Variants in ABCA13 observed in about 807,000 individuals in gnomAD.
The protein encoded by ABCA13 is ATP-binding cassette sub-family A member 13.
ABCA13 carries 476 observed loss-of-function variants against 478.7 expected under a neutral mutation model. The observed-to-expected ratio is 0.99, with a 90% CI of 0.92 to 1.07. ABCA13 has a LOEUF of 1.07. ABCA13 is among the 50% of genes least tolerant of loss of function. ABCA13 has a pLI of 0.00. For synonymous variants in ABCA13, 2,252 were observed against 2,158.9 expected (o/e 1.04, Z -1.20); for missense variants, 6,060 against 5,910.6 (o/e 1.03, Z -0.83).
intron 55 of ABCA13, among the ~76,000 whole-genome samples, chr7:48,541,865 C>T (rs990907937): frequency 1.3e-5 from 2 of 149,784 alleles, no homozygotes; most frequent in Non-Finnish European, 3.0e-5. Flanking sequence ...AGTATCTTTC[C>T]TTAAAAAATC....
At chr7:48,333,682 T>C (rs1584895743) in intron 27 of ABCA13, among the ~76,000 whole-genome samples, 1 of 152,324 alleles carries the variant, frequency 6.6e-6, no homozygotes, top group African/African-American at 2.4e-5. Flanking sequence ...ATCTGATGCA[T>C]CTGGGACTCC....
At position 48,272,001 on chromosome 7, in the gene ABCA13, A is replaced by C. The variant is rs550560732; in HGVS notation, c.2335A>C (p.Lys779Gln). 114 of 1,613,656 alleles carry C rather than the reference A, an allele frequency of 7.1e-5. No homozygotes were observed. In the Middle Eastern group the frequency reaches 7.4e-3, roughly 105 times the overall value. Residue 779 changes from lysine (K) to glutamine (Q), a missense_variant, in exon 17 of 62, where the codon AAA becomes CAA. This residue lies in a region of ABCA13 where 4,423 missense variants were observed against 4,309.1 expected (regional missense o/e 1.03). Transcript: ENST00000435803. ...AAGTTCTCTGTGGACAAATCATTTA[A>C]AAAGTTTAAAGAGAGACCCATCTGC... is the stretch of plus-strand genomic sequence containing the variant. ...NISSLWTNHL[K>Q]SLKRDPSATD...
chr7:48,552,038 A>T (rs1193888960), intron 55 of ABCA13, among the ~76,000 whole-genome samples: 8 of 151,908 alleles, frequency 5.3e-5, no homozygotes, highest in Non-Finnish European at 1.0e-4. Context: ...TTGTCAAATC[A>T]TCAAGGCTTA....
At chr7:48,644,513 A>G in intron 60 of ABCA13, 104 bp from the exon 61 acceptor site, 2 of 1,245,358 alleles carry the variant, frequency 1.6e-6, no homozygotes, top group South Asian at 3.1e-5. Flanking sequence ...GTGTAGGTTG[A>G]GAAAACGTAA....
At chr7:48,522,336 C>T (rs1038041492) in intron 53 of ABCA13, among the ~76,000 whole-genome samples, 3 of 152,098 alleles carry the variant, frequency 2.0e-5, no homozygotes, top group Non-Finnish European at 4.4e-5. Flanking sequence ...GTCCAGCTGT[C>T]CCACTGTCCT....
At chr7:48,281,223 A>G in intron 18 of ABCA13, 120 bp from the exon 19 acceptor site, 1 of 771,746 alleles carries the variant, frequency 1.3e-6, no homozygotes, top group Non-Finnish European at 2.1e-6. Flanking sequence ...AGAAAATATG[A>G]TTATGCAGGG....
At chr7:48,318,358 T>C (rs977994780) in intron 27 of ABCA13, among the ~76,000 whole-genome samples, 18 of 152,082 alleles carry the variant, frequency 1.2e-4, no homozygotes, top group African/African-American at 4.3e-4. Context: ...TTTTGTTTTG[T>C]TTTTTGGAGA....
At chr7:48,543,764 A>G (rs578208552) in intron 55 of ABCA13, among the ~76,000 whole-genome samples, 2 of 152,072 alleles carry the variant, frequency 1.3e-5, no homozygotes, top group Non-Finnish European at 2.9e-5. Flanking sequence ...ACAGATACAT[A>G]TATATTTTTA....
Position 48,352,218 on chromosome 7 carries a change from C to G in ABCA13, c.10419C>G (p.Phe3473Leu). 6.2e-7 allele frequency: 1 copy of G among 1,608,470 alleles called. No homozygotes were observed. Among genetic ancestry groups the G allele is most frequent in the Non-Finnish European group, 8.5e-7 (1 of 1,176,712 alleles). Residue 3473 changes from phenylalanine (F) to leucine (L), a missense_variant, in exon 31 of 62, where the codon TTC (phenylalanine) becomes TTG (leucine). This residue lies in a region of ABCA13 where 4,423 missense variants were observed against 4,309.1 expected (regional missense o/e 1.03). Coordinates refer to ENST00000435803, the MANE Select transcript of ABCA13 (RefSeq NM_152701.5). ...IFSNSLFDKN[F>L]RSESVKLPPH... ...GCAATTCCTTATTCGACAAGAACTT[C>G]AGATCAGAGTCTGTCAAACTGCCAC...
chr7:48,515,159 G>T (rs1832011981), intron 51 of ABCA13, among the ~76,000 whole-genome samples: 1 of 152,108 alleles, frequency 6.6e-6, no homozygotes, highest in African/African-American at 2.4e-5. Context: ...CAGACATTTT[G>T]CAGGCACTGA....
At chr7:48,511,810 A>C (rs535592519) in intron 51 of ABCA13, among the ~76,000 whole-genome samples, 1 of 152,184 alleles carries the variant, frequency 6.6e-6, no homozygotes, top group Non-Finnish European at 1.5e-5. Flanking sequence ...CTAACTACAT[A>C]AGAGATGCTT....
rs1256241140 is a variant in ABCA13, at chr7:48,276,051, T to C, written c.6385T>C (p.Trp2129Arg). 5 of 1,607,838 alleles carry C rather than the reference T, an allele frequency of 3.1e-6. No individual in the cohort carries two copies. The East Asian group carries it at 1.1e-4, about 36-fold the overall frequency. The part of the protein sequence containing the change: ...IEDFLLVTKN[W>R]LQEYANEDYS... ...AGATTTTCTATTGGTCACAAAAAACTGGCTTCAGGAATATGCAAATGAGGA... is the reference window on the plus strand; with the variant it reads ...AGATTTTCTATTGGTCACAAAAAACCGGCTTCAGGAATATGCAAATGAGGA... The change falls in exon 17 of 62, where the codon TGG (tryptophan) becomes CGG (arginine). Residue 2129 changes from tryptophan to arginine, a missense_variant. Physicochemically the swap from Trp to Arg is moderately radical, Grantham distance 101. Coordinates refer to ENST00000435803, the MANE Select transcript of ABCA13 (RefSeq NM_152701.5).
intron 23 of ABCA13, among the ~76,000 whole-genome samples, chr7:48,299,921 C>T (rs977672473): frequency 2.6e-5 from 4 of 152,252 alleles, no homozygotes; most frequent in South Asian, 4.2e-4. Flanking sequence ...TCATTATGAT[C>T]GCCTAAACAG....
chr7:48,493,128 T>C (rs898136923), intron 48 of ABCA13, among the ~76,000 whole-genome samples: 11 of 152,192 alleles, frequency 7.2e-5, no homozygotes, highest in Admixed American at 1.3e-4. Context: ...TACATTCCTT[T>C]GTTAATAAAA....
chr7:48,218,987 T>G (rs1237937178), intron 3 of ABCA13, among the ~76,000 whole-genome samples: 1 of 152,224 alleles, frequency 6.6e-6, no homozygotes, highest in Non-Finnish European at 1.5e-5. Flanking sequence ...TGTCTCCTCC[T>G]CATGCACAGA....
intron 55 of ABCA13, among the ~76,000 whole-genome samples, chr7:48,542,132 T>G (rs1477180771): frequency 2.0e-5 from 3 of 151,632 alleles, no homozygotes; most frequent in African/African-American, 7.2e-5. Flanking sequence ...TGATAAGGTG[T>G]AAAGCAAAGT....
chr7:48,372,088 C>T, intron 32 of ABCA13, 80 bp from the exon 33 acceptor site: 1 of 1,376,028 alleles, frequency 7.3e-7, no homozygotes, highest in Middle Eastern at 1.8e-4. Context: ...ACTGGTCCAC[C>T]TTCTTTCTCC....
chr7:48,196,797 C>T (rs1217361306), intron 2 of ABCA13, among the ~76,000 whole-genome samples: 1 of 152,182 alleles, frequency 6.6e-6, no homozygotes, highest in Non-Finnish European at 1.5e-5. Flanking sequence ...AGGAAATGCA[C>T]TATCTGGGCA....
At chr7:48,345,719 T>C (rs1202894165) in intron 29 of ABCA13, among the ~76,000 whole-genome samples, 1 of 152,188 alleles carries the variant, frequency 6.6e-6, no homozygotes, top group African/African-American at 2.4e-5. Flanking sequence ...AATTTATTTT[T>C]GAAGAAAAAT....
Sources: gnomAD v4.1 joint callset for allele counts (sites outside exome capture counted in the v4.1 genomes callset) on GRCh38, gnomAD v4.1.1 for gene constraint, gnomAD v4.1.1 regional missense constraint, MANE v1.5 for transcripts, NCBI Gene and HGNC (gene_info 2026-07-23, HGNC 2026-07-21) for gene names.